The following LRP1B variants were observed in gnomAD, a reference collection of about 807,000 sequenced individuals.
LRP1B encodes the protein low-density lipoprotein receptor-related protein 1B.
A neutral mutation model predicts 556.6 loss-of-function variants in LRP1B; 217 were observed. The ratio of observed to expected loss-of-function variants is 0.39; its 90% CI spans 0.35 to 0.44. The LOEUF (loss-of-function observed/expected upper bound fraction) is 0.44, where lower values mean the gene tolerates loss of function less well. Ranked by LOEUF, LRP1B falls within the 20% of genes least tolerant of loss-of-function variation. The probability of loss-of-function intolerance (pLI) is 1.00; values close to 1 mark genes in which losing one functional copy is unlikely to be tolerated. For synonymous variants in LRP1B, 2,047 were observed against 1,865.8 expected, an observed-to-expected ratio of 1.10 and a Z score of -2.50; for missense variants, 5,053 against 5,620.8, an observed-to-expected ratio of 0.90 and a Z score of 3.23.
At chr2:140,941,947 G>A (rs973960394) in intron 20 of LRP1B, among the ~76,000 whole-genome samples, 5 of 152,052 alleles carry the variant, frequency 3.3e-5, no homozygotes, top group African/African-American at 1.2e-4. Flanking sequence ...CTAACCAAAT[G>A]ACAATGTCTA....
chr2:141,568,640 A>C (rs56394617), intron 2 of LRP1B, among the ~76,000 whole-genome samples: 5,647 of 151,284 alleles, frequency 0.037, 307 homozygotes, highest in East Asian at 0.13. Context: ...GAAATATATA[A>C]ATACTTGGAC....
At chr2:140,988,654 C>T in intron 17 of LRP1B, among the ~76,000 whole-genome samples, 1 of 152,060 alleles carries the variant, frequency 6.6e-6, no homozygotes, top group East Asian at 1.9e-4. Context: ...CTTCTCAACC[C>T]CTGGGTCTTC....
At chr2:141,241,825 C>T (rs1683888843) in intron 5 of LRP1B, among the ~76,000 whole-genome samples, 1 of 151,840 alleles carries the variant, frequency 6.6e-6, no homozygotes, top group Non-Finnish European at 1.5e-5. Context: ...ACTAGGCTCA[C>T]TCCTAGCCAA....
At chr2:141,003,865 C>T (rs920925484) in intron 15 of LRP1B, among the ~76,000 whole-genome samples, 1 of 151,988 alleles carries the variant, frequency 6.6e-6, no homozygotes, top group South Asian at 2.1e-4. Flanking sequence ...CTCAATCTTA[C>T]CTACAATTAT....
intron 2 of LRP1B, among the ~76,000 whole-genome samples, chr2:141,638,867 A>G (rs867333112): frequency 1.7e-5 from 1 of 58,356 alleles, no homozygotes; most frequent in Admixed American, 1.6e-4. Context: ...AGCCATATAT[A>G]TATATATATA....
intron 43 of LRP1B, among the ~76,000 whole-genome samples, chr2:140,554,854 A>ATGTGTGTGTGTG (rs1553485749): frequency 7.0e-4 from 102 of 146,108 alleles, no homozygotes; most frequent in African/African-American, 2.2e-3. Context: ...AAGTGTGTGT[A>ATGTGTGTGTGTG]TGTGTGTGTG....
intron 27 of LRP1B, among the ~76,000 whole-genome samples, chr2:140,855,538 G>T (rs1031733843): frequency 2.8e-5 from 4 of 143,794 alleles, no homozygotes; most frequent in Admixed American, 7.0e-5. Context: ...ACCTCACAAA[G>T]TGTCGGCTTT....
Position 141,773,762 on chromosome 2 carries a change from A to G in LRP1B, c.205+36517T>C, listed in dbSNP as rs1694971612. 2.0e-5 allele frequency among the ~76,000 whole-genome samples: 3 copies of G among 152,232 alleles called. No homozygotes were observed. The South Asian group carries it at 6.2e-4, about 32-fold the overall frequency. ...AACAAAACAAAACAAAACAACCTAC[A>G]TCTATAGAGGAAAAGGTTTTTGCCA... On this transcript the variant is annotated intron_variant, in intron 2 of 90. Transcript: ENST00000389484.
chr2:140,527,847 G>C (rs1009274173), intron 47 of LRP1B, among the ~76,000 whole-genome samples: 3 of 151,786 alleles, frequency 2.0e-5, no homozygotes, highest in Admixed American at 6.6e-5. Context: ...TCTACTAGTA[G>C]TTTCTTACTA....
At chr2:141,642,007 AAC>A (rs1558774484) in intron 2 of LRP1B, among the ~76,000 whole-genome samples, 41 of 140,058 alleles carry the variant, frequency 2.9e-4, no homozygotes, top group Middle Eastern at 3.5e-3. Flanking sequence ...AAACAAACAA[AAC>A]CCCCCCCCAA....
chr2:140,511,536 C>T (rs1304616711), intron 51 of LRP1B, among the ~76,000 whole-genome samples: 2 of 152,042 alleles, frequency 1.3e-5, no homozygotes, highest in African/African-American at 4.8e-5. Context: ...ATCCTGACCT[C>T]GTGATCCGCC....
chr2:140,559,760 G>GA (rs35908593), intron 43 of LRP1B, among the ~76,000 whole-genome samples: 74,206 of 145,218 alleles, frequency 0.51, 18,804 homozygotes, highest in East Asian at 0.63. Context: ...ATAAATAATT[G>GA]AAAAAAAAAA....
At chr2:141,515,072 G>A (rs554786654) in intron 2 of LRP1B, among the ~76,000 whole-genome samples, 8 of 152,268 alleles carry the variant, frequency 5.3e-5, no homozygotes, top group African/African-American at 9.6e-5. Context: ...GGAGGCTGAC[G>A]CAGGCAGATC....
intron 3 of LRP1B, among the ~76,000 whole-genome samples, chr2:141,464,596 A>ATTTTTTTTT (rs1402968531): frequency 6.0e-5 from 2 of 33,382 alleles, no homozygotes; most frequent in African/African-American, 1.3e-4. Context: ...ATATATATAT[A>ATTTTTTTTT]TATATATATA....
chr2:140,688,790 T>C (rs549656074), intron 41 of LRP1B, among the ~76,000 whole-genome samples: 1 of 152,350 alleles, frequency 6.6e-6, no homozygotes, highest in South Asian at 2.1e-4. Flanking sequence ...TCCTACTGGA[T>C]AATTACAGAC....
At chr2:141,174,976 T>A (rs1680672650) in intron 7 of LRP1B, among the ~76,000 whole-genome samples, 1 of 152,132 alleles carries the variant, frequency 6.6e-6, no homozygotes, top group Admixed American at 6.6e-5. Context: ...CTTGCTATTC[T>A]TTAGCAAAGA....
chr2:141,623,030 G>C (rs1330401319), intron 2 of LRP1B, among the ~76,000 whole-genome samples: 1 of 152,142 alleles, frequency 6.6e-6, no homozygotes, highest in African/African-American at 2.4e-5. Context: ...ACATCAACTT[G>C]TCCTTGAAGA....
Position 140,982,231 on chromosome 2 carries a change from C to T in LRP1B, c.2816G>A (p.Cys939Tyr), listed in dbSNP as rs1416644841. The T allele has an allele frequency of 6.2e-7, 1 of 1,613,322 alleles. No homozygotes were observed. Among genetic ancestry groups the T allele is most frequent in the South Asian group, 1.1e-5 (1 of 91,072 alleles). Residue 939 changes from cysteine (C) to tyrosine (Y), a missense_variant, in exon 18 of 91, where the codon TGC becomes TAC. Around this residue, in one of 5 missense-constraint regions of LRP1B, gnomAD observed 3,619 missense variants for 3,931.9 expected, o/e 0.92. Transcript: ENST00000389484. Reference sequence around the variant, plus strand: ...GTCACACAGCCATGCTCTGGGAATGCAACGCCCATTTCCGCAAGAAAACTG... The same window carrying T: ...GTCACACAGCCATGCTCTGGGAATGTAACGCCCATTTCCGCAAGAAAACTG... ...VDQFSCGNGR[C>Y]IPRAWLCDRE...
intron 6 of LRP1B, among the ~76,000 whole-genome samples, chr2:141,223,357 T>C (rs952722039): frequency 2.0e-5 from 3 of 151,812 alleles, no homozygotes; most frequent in African/African-American, 4.8e-5. Flanking sequence ...TCAAGGAGAA[T>C]TGCAAACAAC....
Sources: gnomAD v4.1 joint callset for allele counts (sites outside exome capture counted in the v4.1 genomes callset) on GRCh38, gnomAD v4.1.1 for gene constraint, gnomAD v4.1.1 regional missense constraint, MANE v1.5 for transcripts, NCBI Gene and HGNC (gene_info 2026-07-23, HGNC 2026-07-21) for gene names.